KICS2: variants seen among roughly 807,000 people sequenced by gnomAD.
KICS2 encodes KICSTOR complex protein C12orf66.
A neutral mutation model predicts 31.4 loss-of-function variants in KICS2; 13 were observed. The ratio of observed to expected loss-of-function variants is 0.41; its 90% CI spans 0.27 to 0.66. The LOEUF (loss-of-function observed/expected upper bound fraction) is 0.66, where lower values mean the gene tolerates loss of function less well. Ranked by LOEUF, KICS2 falls within the 30% of genes least tolerant of loss-of-function variation. The pLI, the probability that KICS2 is intolerant of heterozygous loss-of-function variation, is 0.28. For synonymous variants in KICS2, 209 were observed against 214.8 expected, an observed-to-expected ratio of 0.97 and a Z score of 0.24; for missense variants, 455 against 545.4, an observed-to-expected ratio of 0.83 and a Z score of 1.65.
chr12:64,210,082 T>C (rs75651143), intron 2 of KICS2, among the ~76,000 whole-genome samples: 1 of 152,340 alleles, frequency 6.6e-6, no homozygotes, highest in Non-Finnish European at 1.5e-5. Flanking sequence ...ATCATGTTAG[T>C]TGATACATAA....
At chr12:64,206,937 A>G (rs1036630985) in intron 2 of KICS2, among the ~76,000 whole-genome samples, 1 of 152,150 alleles carries the variant, frequency 6.6e-6, no homozygotes, top group African/African-American at 2.4e-5. Flanking sequence ...GGCGAGATGA[A>G]AATATTCTAA....
intron 2 of KICS2, among the ~76,000 whole-genome samples, chr12:64,213,025 G>T (rs1031887785): frequency 2.0e-5 from 3 of 151,240 alleles, no homozygotes; most frequent in Non-Finnish European, 4.4e-5. Flanking sequence ...TGGAGGTAGA[G>T]GTTGCAGTTT....
intron 1 of KICS2, among the ~76,000 whole-genome samples, chr12:64,217,980 G>A (rs939540466): frequency 2.0e-5 from 3 of 152,206 alleles, no homozygotes; most frequent in African/African-American, 2.4e-5. Flanking sequence ...GTGTTGGGCC[G>A]CATTCAAAGC....
At position 64,195,926 on chromosome 12, in the gene KICS2, C is replaced by A. The variant is rs550415937; in HGVS notation, c.522-1268G>T. Among the ~76,000 whole-genome samples the A allele has an allele frequency of 4.6e-5, 7 of 152,302 alleles. No homozygotes were observed. In the South Asian group the frequency reaches 1.4e-3, roughly 32 times the overall value. On this transcript the variant is annotated intron_variant, in intron 2 of 2. Coordinates refer to ENST00000398055, the MANE Select transcript of KICS2 (RefSeq NM_152440.5). ...AAAACGGCGCACCACGAGATTATATCCCACACCTGGCTTGGAGGGTCCTAT... is the reference window on the plus strand; with the variant it reads ...AAAACGGCGCACCACGAGATTATATACCACACCTGGCTTGGAGGGTCCTAT...
At chr12:64,187,352 G>C (rs191210397), downstream of KICS2, 2 of 452,220 alleles carry the variant, frequency 4.4e-6, no homozygotes, top group East Asian at 3.7e-5. Context: ...CTGACATTAG[G>C]AGGGACTACA....
chr12:64,192,946 G>A lies in KICS2; in HGVS notation c.*896C>T, dbSNP rs566426795. On this transcript the variant is annotated 3_prime_UTR_variant, in exon 3 of 3. Coordinates refer to ENST00000398055, the MANE Select transcript of KICS2 (RefSeq NM_152440.5). ...CTTCATTTTGATTTTATAAAAGTAGGCTATGTTGCATGAGTATCTAAAAGT... is the reference window on the plus strand; with the variant it reads ...CTTCATTTTGATTTTATAAAAGTAGACTATGTTGCATGAGTATCTAAAAGT... 5.9e-5 allele frequency: 58 copies of A among 985,412 alleles called. No homozygotes were observed. The Admixed American group carries it at 8.0e-4, about 14-fold the overall frequency. The allele number at this position is 985,412 out of a possible 1,614,324, so 61.0% of individuals were successfully genotyped here. A position where few individuals can be genotyped will look rare whatever the true frequency, so the allele number is the denominator to read the frequency against.
At position 64,222,184 on chromosome 12, in the gene KICS2, C is replaced by A. The variant is rs1273749457; in HGVS notation, c.54G>T (p.Leu18=). The A allele has an allele frequency of 3.1e-6, 5 of 1,614,100 alleles. No individual in the cohort carries two copies. Among genetic ancestry groups the A allele is most frequent in the Non-Finnish European group, 4.2e-6 (5 of 1,179,964 alleles). ...AAPVPVEQAV[L]ETFFSHLGIF... is the part of the protein sequence containing the mutation. ...TACCCAGGTGAGAGAAGAACGTCTC[C>A]AGCACCGCCTGTTCCACCGGGACCG... Residue 18 remains leucine (L), a synonymous_variant, in exon 1 of 3, where the codon CTG becomes CTT. Coordinates refer to ENST00000398055, the MANE Select transcript of KICS2 (RefSeq NM_152440.5).
Position 64,215,844 on chromosome 12 carries a change from C to G in KICS2, c.355G>C (p.Glu119Gln). 6.2e-7 allele frequency: 1 copy of G among 1,613,898 alleles called. No homozygotes were observed. Among genetic ancestry groups the G allele is most frequent in the African/African-American group, 1.3e-5 (1 of 75,032 alleles). The change falls in exon 2 of 3, where the codon GAA (glutamate) becomes CAA (glutamine). Residue 119 changes from glutamate to glutamine, a missense_variant. Coordinates refer to ENST00000398055, the MANE Select transcript of KICS2 (RefSeq NM_152440.5). ...TCTGACAGGTGGGAAAGGAGTTCTT[C>G]CACGTGAGGAGCAGTCCCACCCAGG... ...GALGGTAPHVEELLSHLSEQL... is the reference protein window; with the variant it reads ...GALGGTAPHVQELLSHLSEQL...
At chr12:64,204,654 G>A (rs1255027293) in intron 2 of KICS2, 1 of 152,082 alleles carries the variant, frequency 6.6e-6, no homozygotes, top group Non-Finnish European at 1.5e-5. Context: ...AAATTAGCCA[G>A]GCCTCGTGGA....
At chr12:64,189,888 T>A (rs2037366223), downstream of KICS2, among the ~76,000 whole-genome samples, 2 of 151,512 alleles carry the variant, frequency 1.3e-5, no homozygotes, top group South Asian at 4.2e-4. Flanking sequence ...CTGACAGAAA[T>A]AAAGGAAGAA....
chr12:64,217,484 G>A (rs572780032), intron 1 of KICS2, among the ~76,000 whole-genome samples: 4 of 149,206 alleles, frequency 2.7e-5, no homozygotes, highest in South Asian at 2.1e-4. Flanking sequence ...AAAAAAAAAC[G>A]CACAAAAAAT....
intron 2 of KICS2, among the ~76,000 whole-genome samples, chr12:64,215,422 C>T (rs1314128593): frequency 6.6e-6 from 1 of 152,056 alleles, no homozygotes; most frequent in Non-Finnish European, 1.5e-5. Context: ...GCAGCAAAAT[C>T]GGTTATAATA....
At chr12:64,195,747 C>A (rs1433788155) in intron 2 of KICS2, among the ~76,000 whole-genome samples, 1 of 152,254 alleles carries the variant, frequency 6.6e-6, no homozygotes, top group Non-Finnish European at 1.5e-5. Flanking sequence ...GGTGCACGCA[C>A]CGTGCGCGAG....
chr12:64,196,503 A>C (rs1443786843), intron 2 of KICS2, among the ~76,000 whole-genome samples: 1 of 151,352 alleles, frequency 6.6e-6, no homozygotes, highest in Non-Finnish European at 1.5e-5. Context: ...ATGGGGAAAA[A>C]ACAGAACAGA....
At position 64,193,231 on chromosome 12, in the gene KICS2, T is replaced by C. The variant is rs573146374; in HGVS notation, c.*611A>G. 2 of 985,574 alleles carry C rather than the reference T, an allele frequency of 2.0e-6. No individual in the cohort carries two copies. Among genetic ancestry groups the C allele is most frequent in the African/African-American group, 3.5e-5 (2 of 57,350 alleles). The allele number at this position is 985,574 out of a possible 1,614,324, so 61.1% of individuals were successfully genotyped here. A position where few individuals can be genotyped will look rare whatever the true frequency, so the allele number is the denominator to read the frequency against. ...GCTATTAAAGCTGCCATGAGGATCT[T>C]CTGAACTGTTAAAACCTTACGTCAT... is the stretch of plus-strand genomic sequence containing the variant. On this transcript the variant is annotated 3_prime_UTR_variant, in exon 3 of 3. Coordinates refer to ENST00000398055, the MANE Select transcript of KICS2 (RefSeq NM_152440.5).
Position 64,221,873 on chromosome 12 carries a change from G to C in KICS2, c.235+130C>G, listed in dbSNP as rs541236146. 1.1e-4 allele frequency: 116 copies of C among 1,027,410 alleles called. 1 individual carries two copies. The African/African-American group carries it at 1.7e-3, about 15-fold the overall frequency. 63.6% of individuals were successfully genotyped at this position (1,027,410 alleles called of 1,614,324 possible). On this transcript the variant is annotated intron_variant, in intron 1 of 2. Transcript: ENST00000398055. Reference sequence around the variant, plus strand: ...GGGAAGGAAAGGAACGGTGGGAGGAGATCTGGGAATGCCGAGTCGAGCCTG... The same window carrying C: ...GGGAAGGAAAGGAACGGTGGGAGGACATCTGGGAATGCCGAGTCGAGCCTG...
intron 1 of KICS2, among the ~76,000 whole-genome samples, chr12:64,216,971 T>C (rs1295402368): frequency 6.6e-6 from 1 of 152,072 alleles, no homozygotes; most frequent in Non-Finnish European, 1.5e-5. Context: ...TGGACAAGAG[T>C]TTAAATTTTC....
In KICS2 at chr12:64,193,800, G is replaced by T. The variant is rs1469449690; in HGVS notation, c.*42C>A. 1.3e-6 allele frequency: 2 copies of T among 1,567,518 alleles called. No individual in the cohort carries two copies. The highest frequency in any genetic ancestry group is 1.2e-5 in the South Asian group (1 of 81,414). On this transcript the variant is annotated 3_prime_UTR_variant, in exon 3 of 3. Transcript: ENST00000398055. ...CACCGTAGATCATTAGGGCAATTAAGAACAGTTTCTAGTCTTGAAACCCCT... is the reference window on the plus strand; with the variant it reads ...CACCGTAGATCATTAGGGCAATTAATAACAGTTTCTAGTCTTGAAACCCCT...
chr12:64,221,959 CT>C, intron 1 of KICS2, 43 bp downstream of exon 1: 1 of 1,576,770 alleles, frequency 6.3e-7, no homozygotes, highest in African/African-American at 1.4e-5. Context: ...AATATACCCC[CT>C]TTACTTCCTC....
Sources: allele counts gnomAD v4.1 joint callset (sites outside exome capture counted in the v4.1 genomes callset), GRCh38; gene constraint gnomAD v4.1.1; transcripts MANE v1.5; gene names NCBI Gene and HGNC (gene_info 2026-07-23, HGNC 2026-07-21).